ANKRD42: variants seen among roughly 807,000 people sequenced by gnomAD.
The protein encoded by ANKRD42 is ankyrin repeat domain-containing protein 42.
Under a neutral mutation model 51.5 loss-of-function variants are expected in ANKRD42, and 43 were observed. The ratio of observed to expected loss-of-function variants is 0.83; its 90% CI spans 0.65 to 1.08. ANKRD42 has a LOEUF of 1.08. Ranked by LOEUF, ANKRD42 falls within the 50% of genes least tolerant of loss-of-function variation. The pLI is 0.00. For synonymous variants in ANKRD42, 203 were observed against 213.0 expected (o/e 0.95, Z 0.41); for missense variants, 608 against 629.3 (o/e 0.97, Z 0.36).
At chr11:83,249,309 T>C (rs1294060623), downstream of ANKRD42, among the ~76,000 whole-genome samples, 1 of 152,190 alleles carries the variant, frequency 6.6e-6, no homozygotes, top group Non-Finnish European at 1.5e-5. Context: ...TAGGTTCAAG[T>C]GATCCTCTTG....
intron 1 of ANKRD42, among the ~76,000 whole-genome samples, chr11:83,195,799 A>G (rs1175252068): frequency 6.8e-6 from 1 of 147,474 alleles, no homozygotes; most frequent in Admixed American, 6.7e-5. Flanking sequence ...GGTCTAGACT[A>G]TTGTAAACTG....
chr11:83,251,468 G>A (rs968047519), downstream of ANKRD42, among the ~76,000 whole-genome samples: 1 of 152,132 alleles, frequency 6.6e-6, no homozygotes. Flanking sequence ...ATATTCAGCA[G>A]ATACCATCTT....
intron 5 of ANKRD42, among the ~76,000 whole-genome samples, chr11:83,221,531 T>C (rs1175052744): frequency 3.3e-5 from 5 of 152,206 alleles, no homozygotes; most frequent in Non-Finnish European, 5.9e-5. Flanking sequence ...GGGGTATGTT[T>C]GTATAGAGAT....
At chr11:83,252,888 G>A (rs1243886553), downstream of ANKRD42, among the ~76,000 whole-genome samples, 2 of 151,724 alleles carry the variant, frequency 1.3e-5, no homozygotes, top group African/African-American at 2.4e-5. Context: ...TAAATATAAT[G>A]TAATAGCTTT....
intron 7 of ANKRD42, among the ~76,000 whole-genome samples, chr11:83,231,359 CT>C (rs1312428909): frequency 6.6e-6 from 1 of 152,146 alleles, no homozygotes; most frequent in Non-Finnish European, 1.5e-5. Context: ...TGTATGTCTT[CT>C]TTTGAGAAAT....
At chr11:83,246,252 CATAA>C (rs1238577162) in intron 10 of ANKRD42, among the ~76,000 whole-genome samples, 1 of 152,078 alleles carries the variant, frequency 6.6e-6, no homozygotes, top group Non-Finnish European at 1.5e-5. Flanking sequence ...GTTATTATTC[CATAA>C]ATAATATGCT....
chr11:83,213,284 T>C, intron 5 of ANKRD42: 4 of 1,594,206 alleles, frequency 2.5e-6, no homozygotes, highest in Non-Finnish European at 3.4e-6. Context: ...GTGCAACAGA[T>C]CTTACTGTGC....
chr11:83,249,225 G>A (rs1863632513), downstream of ANKRD42, among the ~76,000 whole-genome samples: 1 of 151,926 alleles, frequency 6.6e-6, no homozygotes, highest in Non-Finnish European at 1.5e-5. Context: ...TCTTTTTTTG[G>A]ACAGGGTGTT....
chr11:83,208,493 T>C (rs1408995413), intron 3 of ANKRD42, among the ~76,000 whole-genome samples: 1 of 152,132 alleles, frequency 6.6e-6, no homozygotes, highest in African/African-American at 2.4e-5. Context: ...TAGCAAAGTG[T>C]GTCCAGGATT....
chr11:83,257,594 C>A (rs1472391055), downstream of ANKRD42, among the ~76,000 whole-genome samples: 2 of 152,174 alleles, frequency 1.3e-5, no homozygotes, highest in Non-Finnish European at 2.9e-5. Context: ...TAATGCTGAT[C>A]TGGGATTCCA....
At position 83,211,369 on chromosome 11, in the gene ANKRD42, G is replaced by A; in HGVS notation, c.525G>A (p.Leu175=). 1 of 1,614,182 alleles carries A rather than the reference G, an allele frequency of 6.2e-7. No individual in the cohort carries two copies. The stretch of plus-strand genomic sequence containing the variant: ...CTTTTCATGGGCGGCTTGGCTGCTT[G>A]CAACTTCTTGTTAAATGGGGTTGTA... The part of the protein sequence containing the change: ...YAAFHGRLGC[L]QLLVKWGCSI... Residue 175 remains leucine, a synonymous_variant, in exon 5 of 11, where the codon TTG becomes TTA. Transcript: ENST00000533342.
In ANKRD42 at chr11:83,248,415, A is replaced by G. The variant is rs1863608783; in HGVS notation, c.*211A>G. ...TCAAACAGCAGCCTAGTTCATAAGTATTATTGTTAACATTGTACCATAGAA... is the reference window on the plus strand; with the variant it reads ...TCAAACAGCAGCCTAGTTCATAAGTGTTATTGTTAACATTGTACCATAGAA... On this transcript the variant is annotated 3_prime_UTR_variant, in exon 11 of 11. Transcript: ENST00000533342. The G allele has an allele frequency of 4.0e-6, 5 of 1,256,210 alleles. No individual in the cohort carries two copies. 77.8% of individuals were successfully genotyped at this position (1,256,210 alleles called of 1,614,324 possible).
intron 5 of ANKRD42, among the ~76,000 whole-genome samples, chr11:83,220,508 G>T (rs1183256380): frequency 6.6e-6 from 1 of 152,182 alleles, no homozygotes; most frequent in African/African-American, 2.4e-5. Context: ...TGGTGTGGTG[G>T]CTGACCGCGG....
At chr11:83,251,011 T>G (rs1863665120), downstream of ANKRD42, among the ~76,000 whole-genome samples, 1 of 152,196 alleles carries the variant, frequency 6.6e-6, no homozygotes, top group Non-Finnish European at 1.5e-5. Context: ...ATTGAAAATC[T>G]TCCTTACCTG....
chr11:83,255,905 T>TCTG, exon 12 of ANKRD42: 1 of 1,534,360 alleles, frequency 6.5e-7, no homozygotes, highest in Non-Finnish European at 8.7e-7. Flanking sequence ...AAAGGTTTCT[T>TCTG]CTGGAGGGGT....
intron 7 of ANKRD42, among the ~76,000 whole-genome samples, chr11:83,231,020 A>G (rs1474749409): frequency 6.6e-6 from 1 of 152,218 alleles, no homozygotes; most frequent in Non-Finnish European, 1.5e-5. Context: ...CAACAAACAT[A>G]GGAGTGAAGA....
At chr11:83,225,377 G>A (rs526637) in intron 6 of ANKRD42, among the ~76,000 whole-genome samples, 42,035 of 151,608 alleles carry the variant, frequency 0.28, 6,362 homozygotes, top group Non-Finnish European at 0.35. Context: ...GACCAACTTG[G>A]GAAATATAGT....
chr11:83,216,979 G>A (rs988690252), intron 5 of ANKRD42, among the ~76,000 whole-genome samples: 1 of 143,228 alleles, frequency 7.0e-6, no homozygotes, highest in African/African-American at 2.6e-5. Context: ...TCCTCCAGAG[G>A]GGATCTTTTT....
chr11:83,206,827 A>C (rs1266991370), intron 3 of ANKRD42, among the ~76,000 whole-genome samples: 3 of 152,236 alleles, frequency 2.0e-5, no homozygotes, highest in African/African-American at 7.2e-5. Context: ...TTCGTATTTA[A>C]TGTATTGCCT....
Sources: allele counts gnomAD v4.1 joint callset (sites outside exome capture counted in the v4.1 genomes callset), GRCh38; gene constraint gnomAD v4.1.1; transcripts MANE v1.5; gene names NCBI Gene and HGNC (gene_info 2026-07-23, HGNC 2026-07-21).